CSMD1: variants seen among roughly 807,000 people sequenced by gnomAD.
CSMD1 encodes CUB and sushi domain-containing protein 1.
In CSMD1, 213 loss-of-function variants were observed where a neutral mutation model predicts 417.5. The observed-to-expected ratio is 0.51, with a 90% confidence interval of 0.46 to 0.57. The LOEUF is 0.57. Among genes scored for constraint, CSMD1 ranks in the 20% least tolerant of loss-of-function variants. The probability of loss-of-function intolerance (pLI) is 0.00; values close to 1 mark genes in which losing one functional copy is unlikely to be tolerated. For synonymous variants in CSMD1, 2,862 were observed against 1,736.8 expected (o/e 1.65, Z -16.11); for missense variants, 6,923 against 4,529.7 (o/e 1.53, Z -15.17).
At chr8:3,175,328 C>A (rs954704770) in intron 37 of CSMD1, among the ~76,000 whole-genome samples, 9 of 152,142 alleles carry the variant, frequency 5.9e-5, no homozygotes, top group Non-Finnish European at 1.3e-4. Context: ...AACCACAAAT[C>A]ACTGATTCAA....
intron 3 of CSMD1, among the ~76,000 whole-genome samples, chr8:4,248,524 G>A (rs910409959): frequency 6.6e-6 from 1 of 152,150 alleles, no homozygotes; most frequent in South Asian, 2.1e-4. Context: ...CTAACAGGAG[G>A]ATTTTAGGTT....
At chr8:3,531,342 C>T (rs1425294984) in intron 10 of CSMD1, among the ~76,000 whole-genome samples, 1 of 151,960 alleles carries the variant, frequency 6.6e-6, no homozygotes, top group East Asian at 1.9e-4. Context: ...CTTTTTTAGC[C>T]CCTATCCGAC....
chr8:3,968,004 TAAAAAAAAAAAA>T (rs11330461), intron 5 of CSMD1, among the ~76,000 whole-genome samples: 1 of 98,920 alleles, frequency 1.0e-5, no homozygotes, highest in African/African-American at 4.4e-5. Context: ...CGTCACTGCT[TAAAAAAAAAAAA>T]AAAAAAAAAA....
At chr8:4,967,509 A>C (rs943663227) in intron 1 of CSMD1, among the ~76,000 whole-genome samples, 12 of 152,298 alleles carry the variant, frequency 7.9e-5, no homozygotes, top group Admixed American at 2.6e-4. Flanking sequence ...TGAAATTACT[A>C]TTCCATACCT....
At chr8:3,549,221 G>A (rs150913058) in intron 10 of CSMD1, among the ~76,000 whole-genome samples, 2,199 of 152,302 alleles carry the variant, frequency 0.014, 24 homozygotes, top group Non-Finnish European at 0.024. Flanking sequence ...TCATAAGCAT[G>A]GTTTCTATGT....
intron 3 of CSMD1, among the ~76,000 whole-genome samples, chr8:4,062,899 A>G (rs1013324907): frequency 1.4e-5 from 2 of 143,950 alleles, no homozygotes; most frequent in African/African-American, 2.6e-5. Context: ...AACTGCAGCA[A>G]TATTACTGAT....
intron 11 of CSMD1, among the ~76,000 whole-genome samples, chr8:3,491,859 G>A (rs978587814): frequency 9.8e-5 from 15 of 152,316 alleles, no homozygotes; most frequent in Non-Finnish European, 1.5e-4. Context: ...CGGGTACCCC[G>A]AGTCCAGCGG....
intron 33 of CSMD1, among the ~76,000 whole-genome samples, chr8:3,196,440 C>T (rs926494171): frequency 5.9e-5 from 9 of 152,146 alleles, no homozygotes; most frequent in African/African-American, 1.9e-4. Flanking sequence ...TTTTACTTTA[C>T]TCTATGGACT....
At chr8:4,022,785 C>T (rs1321614543) in intron 4 of CSMD1, among the ~76,000 whole-genome samples, 1 of 152,144 alleles carries the variant, frequency 6.6e-6, no homozygotes, top group Non-Finnish European at 1.5e-5. Flanking sequence ...TTGTATTCCA[C>T]ATATTAAGCA....
chr8:3,339,638 T>C (rs532544393), intron 23 of CSMD1, among the ~76,000 whole-genome samples: 1 of 152,356 alleles, frequency 6.6e-6, no homozygotes, highest in East Asian at 1.9e-4. Context: ...TGATATCCAA[T>C]GCTTCTGTTA....
chr8:4,671,429 T>C (rs1805316961), intron 1 of CSMD1, among the ~76,000 whole-genome samples: 1 of 152,316 alleles, frequency 6.6e-6, no homozygotes, highest in Non-Finnish European at 1.5e-5. Context: ...AAAATTAACA[T>C]TTGGCAGACA....
At chr8:3,552,140 T>C (rs887636419) in intron 10 of CSMD1, among the ~76,000 whole-genome samples, 1 of 152,180 alleles carries the variant, frequency 6.6e-6, no homozygotes. Context: ...TTTGAATTCA[T>C]CCCATCTTCT....
intron 5 of CSMD1, among the ~76,000 whole-genome samples, chr8:3,912,578 G>T (rs992481621): frequency 6.6e-6 from 1 of 152,186 alleles, no homozygotes; most frequent in Non-Finnish European, 1.5e-5. Context: ...GGAGATGAAA[G>T]TTGAAGCATG....
intron 5 of CSMD1, among the ~76,000 whole-genome samples, chr8:3,974,005 C>T (rs1055981078): frequency 1.1e-4 from 16 of 152,208 alleles, no homozygotes; most frequent in African/African-American, 3.9e-4. Context: ...AATGCAATTA[C>T]ACTCTTTAAG....
Position 3,396,220 on chromosome 8 carries a change from C to T in CSMD1, c.2567G>A (p.Ser856Asn). 1.3e-6 allele frequency: 2 copies of T among 1,566,652 alleles called. No homozygotes were observed. The highest frequency in any genetic ancestry group is 2.4e-5 in the East Asian group (1 of 42,338). The part of the protein sequence containing the change: ...LLFTTDNSRS[S>N]IGFLIHYESV... Reference sequence around the variant, plus strand: ...CTCATAGTGGATGAGGAAGCCGATGCTGGAGCGGCTGTTGTCAGTGGTGAA... The same window carrying T: ...CTCATAGTGGATGAGGAAGCCGATGTTGGAGCGGCTGTTGTCAGTGGTGAA... Residue 856 changes from serine (S) to asparagine (N), a missense_variant, in exon 17 of 70, where the codon AGC becomes AAC. Transcript: ENST00000635120.
At chr8:3,451,516 T>C (rs1815714059) in intron 12 of CSMD1, among the ~76,000 whole-genome samples, 1 of 152,244 alleles carries the variant, frequency 6.6e-6, no homozygotes, top group Non-Finnish European at 1.5e-5. Flanking sequence ...AGGGATTCAG[T>C]TTCGTCTTTC....
chr8:4,294,041 C>T (rs999752586), intron 3 of CSMD1, among the ~76,000 whole-genome samples: 70 of 152,120 alleles, frequency 4.6e-4, no homozygotes, highest in African/African-American at 1.5e-3. Context: ...TTCTTTATTG[C>T]GTGGTTCTCA....
chr8:4,762,235 G>C (rs191590468), intron 1 of CSMD1, among the ~76,000 whole-genome samples: 1 of 152,048 alleles, frequency 6.6e-6, no homozygotes, highest in Non-Finnish European at 1.5e-5. Flanking sequence ...ACCTGCTTGC[G>C]CTATTTTAAA....
chr8:3,455,196 T>A (rs1816024875), intron 12 of CSMD1, among the ~76,000 whole-genome samples: 1 of 152,174 alleles, frequency 6.6e-6, no homozygotes, highest in Non-Finnish European at 1.5e-5. Flanking sequence ...CATTGGTTAT[T>A]CTAGTTAGCC....
Sources: allele counts gnomAD v4.1 joint callset (sites outside exome capture counted in the v4.1 genomes callset), GRCh38; gene constraint gnomAD v4.1.1; transcripts MANE v1.5; gene names NCBI Gene and HGNC (gene_info 2026-07-23, HGNC 2026-07-21).